GNAO1: variants seen among roughly 807,000 people sequenced by gnomAD.
The protein encoded by GNAO1 is guanine nucleotide-binding protein G(o) subunit alpha.
For missense variants in GNAO1, 166 were observed against 478.7 expected, an observed-to-expected ratio of 0.35 and a Z score of 6.10; for synonymous variants, 164 against 180.7, an observed-to-expected ratio of 0.91 and a Z score of 0.74.
intron 3 of GNAO1, among the ~76,000 whole-genome samples, chr16:56,291,775 G>A (rs192945461): frequency 6.1e-4 from 93 of 152,284 alleles, no homozygotes; most frequent in Non-Finnish European, 9.8e-4. Context: ...CAGCAGATTT[G>A]CTGTCTGGTA....
chr16:56,236,659 C>T (rs539037541), intron 2 of GNAO1, among the ~76,000 whole-genome samples: 1 of 152,294 alleles, frequency 6.6e-6, no homozygotes, highest in African/African-American at 2.4e-5. Context: ...CCAAGCTAGT[C>T]CATGGCTCAC....
At chr16:56,300,036 T>TGTGTGTGTGTGTGTGCGC (rs753591618) in intron 3 of GNAO1, among the ~76,000 whole-genome samples, 76 of 95,172 alleles carry the variant, frequency 8.0e-4, no homozygotes, top group African/African-American at 2.9e-3. Context: ...TGTGTGTGTG[T>TGTGTGTGTGTGTGTGCGC]GCGCGCGCGC....
chr16:56,262,233 C>T (rs1447576185), intron 2 of GNAO1, among the ~76,000 whole-genome samples: 1 of 152,230 alleles, frequency 6.6e-6, no homozygotes, highest in African/African-American at 2.4e-5. Context: ...GTATATTCTG[C>T]AGTGAGTCAC....
At chr16:56,194,711 A>C (rs1250980604) in intron 2 of GNAO1, among the ~76,000 whole-genome samples, 1 of 152,244 alleles carries the variant, frequency 6.6e-6, no homozygotes, top group Non-Finnish European at 1.5e-5. Context: ...GGGAGAGGCC[A>C]GAGTCTGCAA....
At position 56,345,952 on chromosome 16, in the gene GNAO1, G is replaced by A. The variant is rs114469480; in HGVS notation, c.724-5432G>A. On this transcript the variant is annotated intron_variant, in intron 6 of 8. Transcript: ENST00000262493. ...GGGCTCTCCATGTCCCCCAGCAGCC[G>A]CCCTCAGAACACAGTGGCCAGAGCA... is the stretch of plus-strand genomic sequence containing the variant. The A allele has an allele frequency of 9.0e-4, 891 of 985,522 alleles. 5 individuals carry two copies. The African/African-American group carries it at 0.014, about 16-fold the overall frequency. The allele number at this position is 985,522 out of a possible 1,614,324, so 61.0% of individuals were successfully genotyped here.
intron 2 of GNAO1, among the ~76,000 whole-genome samples, chr16:56,256,663 T>A (rs533532266): frequency 6.6e-6 from 1 of 151,896 alleles, no homozygotes; most frequent in Non-Finnish European, 1.5e-5. Flanking sequence ...CAACTGAGAC[T>A]GGAGGTCAGT....
intron 2 of GNAO1, among the ~76,000 whole-genome samples, chr16:56,243,265 A>G (rs2036711596): frequency 6.6e-6 from 1 of 152,086 alleles, no homozygotes; most frequent in Non-Finnish European, 1.5e-5. Flanking sequence ...TCATCCTGAA[A>G]CCACTCCATC....
At chr16:56,261,862 C>T (rs1428791090) in intron 2 of GNAO1, among the ~76,000 whole-genome samples, 1 of 152,154 alleles carries the variant, frequency 6.6e-6, no homozygotes, top group Non-Finnish European at 1.5e-5. Flanking sequence ...TCTTTCCAAA[C>T]AAACGTCCAA....
At chr16:56,298,093 GCC>G (rs2037305686) in intron 3 of GNAO1, among the ~76,000 whole-genome samples, 1 of 152,170 alleles carries the variant, frequency 6.6e-6, no homozygotes, top group African/African-American at 2.4e-5. Flanking sequence ...GATCACTTGA[GCC>G]CAGGAGGTCG....
Position 56,215,376 on chromosome 16 carries a change from C to T in GNAO1, c.161+22760C>T, listed in dbSNP as rs539769801. The stretch of plus-strand genomic sequence containing the variant: ...ACTACCAGAACAGAATAGTCTTGCT[C>T]ACCATGAGCCTGACACAGAGCTCTG... On this transcript the variant is annotated intron_variant, in intron 2 of 8. Coordinates refer to ENST00000262493, the MANE Select transcript of GNAO1 (RefSeq NM_020988.3). Among the ~76,000 whole-genome samples, 3 of 152,320 alleles carry T rather than the reference C, an allele frequency of 2.0e-5. No homozygotes were observed. The East Asian group carries it at 5.8e-4, about 29-fold the overall frequency.
intron 2 of GNAO1, among the ~76,000 whole-genome samples, chr16:56,211,811 G>C (rs1316465521): frequency 6.6e-6 from 1 of 152,208 alleles, no homozygotes; most frequent in African/African-American, 2.4e-5. Context: ...CATACAAGGA[G>C]AGGGTTTGCT....
chr16:56,334,884 C>A (rs773801105), intron 5 of GNAO1, 27 bp downstream of exon 5: 2 of 1,612,508 alleles, frequency 1.2e-6, no homozygotes, highest in Non-Finnish European at 1.7e-6. Context: ...CCCCCAGGCC[C>A]TGGCGAGGGC....
intron 6 of GNAO1, among the ~76,000 whole-genome samples, chr16:56,341,702 G>A (rs547589256): frequency 6.6e-6 from 1 of 152,346 alleles, no homozygotes; most frequent in African/African-American, 2.4e-5. Flanking sequence ...CTGACCATGG[G>A]GTGGGCGGGC....
At chr16:56,221,617 T>G (rs1314931841) in intron 2 of GNAO1, among the ~76,000 whole-genome samples, 2 of 138,346 alleles carry the variant, frequency 1.4e-5, no homozygotes, top group African/African-American at 5.5e-5. Flanking sequence ...GCCACTGCAC[T>G]CTGCAGCCTG....
chr16:56,304,841 G>A (rs1193057321), intron 3 of GNAO1, among the ~76,000 whole-genome samples: 1 of 152,256 alleles, frequency 6.6e-6, no homozygotes, highest in African/African-American at 2.4e-5. Flanking sequence ...TACACGTGCA[G>A]TCTGCACAGG....
chr16:56,248,464 T>C (rs1329723040), intron 2 of GNAO1, among the ~76,000 whole-genome samples: 1 of 152,240 alleles, frequency 6.6e-6, no homozygotes, highest in African/African-American at 2.4e-5. Flanking sequence ...GCTTGCCCTG[T>C]GCCTAGAGCT....
chr16:56,271,356 G>C (rs1292161567), intron 2 of GNAO1, among the ~76,000 whole-genome samples: 3 of 152,244 alleles, frequency 2.0e-5, no homozygotes, highest in African/African-American at 7.2e-5. Flanking sequence ...TTAGCACAGA[G>C]GGTAAACCCT....
chr16:56,346,091 T>C, intron 6 of GNAO1: 1 of 985,614 alleles, frequency 1.0e-6, no homozygotes, highest in Non-Finnish European at 1.2e-6. Flanking sequence ...TTCTCTTCCT[T>C]TGGATGCTCC....
intron 3 of GNAO1, among the ~76,000 whole-genome samples, chr16:56,297,205 C>T (rs2037295376): frequency 6.6e-6 from 1 of 152,132 alleles, no homozygotes; most frequent in South Asian, 2.1e-4. Context: ...CAAATGTGAC[C>T]TCTTGCACCA....
Sources: gnomAD v4.1 joint callset for allele counts (sites outside exome capture counted in the v4.1 genomes callset) on GRCh38, gnomAD v4.1.1 for gene constraint, MANE v1.5 for transcripts, NCBI Gene and HGNC (gene_info 2026-07-23, HGNC 2026-07-21) for gene names.